Variants in ANPEP observed in about 807,000 individuals in gnomAD.
ANPEP encodes aminopeptidase N.
A neutral mutation model predicts 114.6 loss-of-function variants in ANPEP; 70 were observed. The observed-to-expected ratio is 0.61, with a 90% CI of 0.50 to 0.75. The LOEUF (loss-of-function observed/expected upper bound fraction) is 0.75. Among genes scored for constraint, ANPEP ranks in the 30% least tolerant of loss-of-function variants. The pLI is 0.00. For missense variants in ANPEP, 1,184 were observed against 1,259.5 expected (o/e 0.94, Z 0.91); for synonymous variants, 548 against 522.3 (o/e 1.05, Z -0.67).
rs1442246091 is a variant in ANPEP, at chr15:89,806,311, C to T, written c.273G>A (p.Pro91=). ...GGCCCCTGTCATTGGGGGTGAGGTA[C>T]GGTCTCAGCGTCACCCGGTAGGAAT... The part of the protein sequence containing the change: ...KPDSYRVTLR[P]YLTPNDRGLY... The change falls in exon 2 of 21, where the codon CCG becomes CCA. Residue 91 remains proline, a synonymous_variant. Transcript: ENST00000300060. This position sits in a 1 kb window ranked among gnomAD's most constrained non-coding sequence, Gnocchi z 5.7. The T allele has an allele frequency of 3.3e-5, 53 of 1,614,014 alleles. No individual in the cohort carries two copies. In the South Asian group the frequency reaches 3.5e-4, roughly 11 times the overall value.
At chr15:89,800,944 G>A (rs965039402) in intron 12 of ANPEP, among the ~76,000 whole-genome samples, 167 bp downstream of exon 12, 1 of 152,166 alleles carries the variant, frequency 6.6e-6, no homozygotes, top group African/African-American at 2.4e-5. Flanking sequence ...GAGCGGGATG[G>A]TAACTTGCCC....
intron 1 of ANPEP, among the ~76,000 whole-genome samples, chr15:89,807,253 T>TGAAG (rs1452411832): frequency 3.9e-5 from 6 of 152,240 alleles, no homozygotes; most frequent in African/African-American, 1.4e-4. Flanking sequence ...CTTTTTTTGC[T>TGAAG]GAAGGCTTCA....
At chr15:89,787,997 T>C (rs1968537910) in intron 20 of ANPEP, among the ~76,000 whole-genome samples, 1 of 152,172 alleles carries the variant, frequency 6.6e-6, no homozygotes, top group Non-Finnish European at 1.5e-5. Flanking sequence ...AGTGTAGACA[T>C]GGAGCAATTA....
rs1286894820 is a variant in ANPEP at position 89,804,320 on chromosome 15, G to T, written c.1112C>A (p.Pro371His). 1.9e-6 allele frequency: 3 copies of T among 1,614,062 alleles called. No individual in the cohort carries two copies. The highest frequency in any genetic ancestry group is 1.3e-5 in the African/African-American group (1 of 74,944). Reference sequence around the variant, plus strand: ...CTTGTTGCTGCTGGAGGAGGACAGGGGGTCGAACAGCAGGGAGTTCTCCCG... The same window carrying T: ...CTTGTTGCTGCTGGAGGAGGACAGGTGGTCGAACAGCAGGGAGTTCTCCCG... Reference protein sequence around the residue: ...TYRENSLLFDPLSSSSSNKER... With the variant: ...TYRENSLLFDHLSSSSSNKER... Residue 371 changes from proline (P) to histidine (H), a missense_variant, in exon 6 of 21, where the codon CCC becomes CAC. By Grantham distance (77) the Pro-to-His change is moderately conservative. Transcript: ENST00000300060.
intron 18 of ANPEP, among the ~76,000 whole-genome samples, chr15:89,791,386 T>A (rs916544778): frequency 2.0e-5 from 3 of 152,058 alleles, no homozygotes; most frequent in East Asian, 3.9e-4. Context: ...AGGTGGGTGG[T>A]CACTCCCGTC....
At chr15:89,789,311 T>C (rs558832740) in intron 20 of ANPEP, among the ~76,000 whole-genome samples, 8 of 152,036 alleles carry the variant, frequency 5.3e-5, no homozygotes, top group Non-Finnish European at 1.0e-4. Flanking sequence ...AAAGACAAAC[T>C]AACTTAATCC....
intron 1 of ANPEP, among the ~76,000 whole-genome samples, chr15:89,814,250 C>A (rs1473056852): frequency 1.4e-5 from 2 of 146,720 alleles, no homozygotes; most frequent in Non-Finnish European, 3.1e-5. Flanking sequence ...TCCCCTTCCT[C>A]TTCACTGAGA....
chr15:89,811,866 G>C (rs1374987119), intron 1 of ANPEP, among the ~76,000 whole-genome samples: 5 of 152,096 alleles, frequency 3.3e-5, no homozygotes, highest in Admixed American at 1.3e-4. Flanking sequence ...GGTAGAAGCC[G>C]AGCTCTCAAC....
At position 89,804,331 on chromosome 15, in the gene ANPEP, C is replaced by T. The variant is rs1207758355; in HGVS notation, c.1101G>A (p.Leu367=). The T allele has an allele frequency of 6.8e-6, 11 of 1,614,096 alleles. No individual in the cohort carries two copies. Among genetic ancestry groups the T allele is most frequent in the Non-Finnish European group, 9.3e-6 (11 of 1,180,034 alleles). ...TGGAGGAGGACAGGGGGTCGAACAG[C>T]AGGGAGTTCTCCCGGTAGGTCACCA... ...WGLVTYRENS[L]LFDPLSSSSS... is the part of the protein sequence containing the mutation. Residue 367 remains leucine (L), a synonymous_variant, in exon 6 of 21, where the codon CTG becomes CTA. Transcript: ENST00000300060.
chr15:89,804,525 A>G lies in ANPEP; in HGVS notation c.990T>C (p.Gly330=). ...GGAGTGGGTAGGGTGTGTCATAATG[A>G]CCAGCAAAGAAGTTAAGGATGGGGC... ...VTGPILNFFA[G]HYDTPYPLPK... is the part of the protein sequence containing the mutation. The change falls in exon 5 of 21, where the codon GGT becomes GGC. Residue 330 remains glycine, a synonymous_variant. Coordinates refer to ENST00000300060, the MANE Select transcript of ANPEP (RefSeq NM_001150.3). The G allele has an allele frequency of 1.2e-6, 2 of 1,614,152 alleles. No individual in the cohort carries two copies. Among genetic ancestry groups the G allele is most frequent in the Non-Finnish European group, 1.7e-6 (2 of 1,180,032 alleles).
chr15:89,805,229 G>C lies in ANPEP; in HGVS notation c.758-12C>G. On this transcript the variant is annotated splice_polypyrimidine_tract_variant and intron_variant, in intron 3 of 20. Transcript: ENST00000300060. ...TGGGGTGCTGGGACCTGGGCAGGGA[G>C]CATGTGTGTGTGAGGACGTACCCTC... 6.2e-7 allele frequency: 1 copy of C among 1,614,212 alleles called. No individual in the cohort carries two copies. The highest frequency in any genetic ancestry group is 8.5e-7 in the Non-Finnish European group (1 of 1,180,028).
chr15:89,805,129 G>C lies in ANPEP; in HGVS notation c.846C>G (p.Phe282Leu). 6.2e-7 allele frequency: 1 copy of C among 1,614,248 alleles called. No individual in the cohort carries two copies. The highest frequency in any genetic ancestry group is 8.5e-7 in the Non-Finnish European group (1 of 1,180,038). ...CCACGTAGTCGAACTCACTGACAATGAAGGCCAGCAAGTACGTGGACATCT... is the reference window on the plus strand; with the variant it reads ...CCACGTAGTCGAACTCACTGACAATCAAGGCCAGCAAGTACGTGGACATCT... Reference protein sequence around the residue: ...TPKMSTYLLAFIVSEFDYVEK... With the variant: ...TPKMSTYLLALIVSEFDYVEK... Residue 282 changes from phenylalanine (F) to leucine (L), a missense_variant, in exon 4 of 21, where the codon TTC becomes TTG. Transcript: ENST00000300060.
chr15:89,788,376 G>C (rs893300695), intron 20 of ANPEP, among the ~76,000 whole-genome samples: 3 of 152,296 alleles, frequency 2.0e-5, no homozygotes, highest in Non-Finnish European at 2.9e-5. Context: ...ACACAAAAAG[G>C]CTGTGTGTAT....
intron 20 of ANPEP, among the ~76,000 whole-genome samples, chr15:89,788,354 G>A (rs1358182950): frequency 6.6e-6 from 1 of 152,168 alleles, no homozygotes; most frequent in Non-Finnish European, 1.5e-5. Flanking sequence ...CTAAGTGAAA[G>A]AAGGCAGACA....
At chr15:89,805,286 C>T (rs746997622) in intron 3 of ANPEP, 35 bp downstream of exon 3, 5 of 1,612,894 alleles carry the variant, frequency 3.1e-6, no homozygotes, top group East Asian at 2.2e-5. Context: ...GGTGCCTGCC[C>T]CCTGGCCCTG....
intron 1 of ANPEP, among the ~76,000 whole-genome samples, chr15:89,813,393 T>C (rs1473219114): frequency 6.6e-6 from 1 of 152,172 alleles, no homozygotes; most frequent in Non-Finnish European, 1.5e-5. Flanking sequence ...GAAGGTCTCA[T>C]TCCCCAGAAG....
rs147539842 is a variant in ANPEP, at chr15:89,803,316, C to T, written c.1504-12G>A. 8.6e-4 allele frequency: 1,390 copies of T among 1,614,032 alleles called. 7 individuals carry two copies. In the African/African-American group the frequency reaches 0.012, roughly 14 times the overall value. Reference sequence around the variant, plus strand: ...GTGTGGAGGTAGGACTGTGGAAAGACGGGGCACAGTGAGAGCACAGCTGGA... The same window carrying T: ...GTGTGGAGGTAGGACTGTGGAAAGATGGGGCACAGTGAGAGCACAGCTGGA... On this transcript the variant is annotated splice_polypyrimidine_tract_variant and intron_variant, in intron 9 of 20. Coordinates refer to ENST00000300060, the MANE Select transcript of ANPEP (RefSeq NM_001150.3). The surrounding 1 kb of genome is among the most constrained non-coding windows in gnomAD (Gnocchi z 4.2).
chr15:89,786,250 A>G (rs1451086844), intron 20 of ANPEP, among the ~76,000 whole-genome samples: 1 of 152,210 alleles, frequency 6.6e-6, no homozygotes, highest in African/African-American at 2.4e-5. Flanking sequence ...TTTTTGAAAG[A>G]AATTAAAGAA....
chr15:89,804,859 G>C, intron 4 of ANPEP: 1 of 829,112 alleles, frequency 1.2e-6, no homozygotes, highest in Non-Finnish European at 1.8e-6. Context: ...CTGGTAACCG[G>C]TGGGTCAGGA....
Sources: gnomAD v4.1 joint callset for allele counts (sites outside exome capture counted in the v4.1 genomes callset) on GRCh38, gnomAD v4.1.1 for gene constraint, Gnocchi (gnomAD v3.1) non-coding constraint, MANE v1.5 for transcripts, NCBI Gene and HGNC (gene_info 2026-07-23, HGNC 2026-07-21) for gene names.